TWSG1: variants seen among roughly 807,000 people sequenced by gnomAD.
TWSG1 encodes the protein twisted gastrulation protein homolog 1.
A neutral mutation model predicts 23.0 loss-of-function variants in TWSG1; 15 were observed. That is an observed-to-expected ratio of 0.65 (90% CI 0.44 to 1.00). The LOEUF is 1.00. Among genes scored for constraint, TWSG1 ranks in the 50% least tolerant of loss-of-function variants. The probability of loss-of-function intolerance (pLI) is 0.00; values close to 1 mark genes in which losing one functional copy is unlikely to be tolerated. For missense variants in TWSG1, 242 were observed against 278.7 expected (o/e 0.87, Z 0.94); for synonymous variants, 86 against 92.8 (o/e 0.93, Z 0.42).
At chr18:9,394,077 G>A (rs1217322515) in intron 3 of TWSG1, among the ~76,000 whole-genome samples, 1 of 152,152 alleles carries the variant, frequency 6.6e-6, no homozygotes, top group African/African-American at 2.4e-5. Flanking sequence ...AAGGAAATCA[G>A]TATATCGAAG....
chr18:9,377,029 AG>A (rs951083031), intron 3 of TWSG1, among the ~76,000 whole-genome samples: 115 of 152,200 alleles, frequency 7.6e-4, no homozygotes, highest in African/African-American at 2.7e-3. Flanking sequence ...GGCTGTGTGT[AG>A]GTAGGTTATA....
At chr18:9,364,707 T>C (rs2040569535) in intron 3 of TWSG1, among the ~76,000 whole-genome samples, 1 of 150,824 alleles carries the variant, frequency 6.6e-6, no homozygotes, top group South Asian at 2.1e-4. Flanking sequence ...GGCAGGAGAG[T>C]CACTTGAACC....
intron 2 of TWSG1, among the ~76,000 whole-genome samples, chr18:9,347,005 G>C (rs944156407): frequency 6.6e-6 from 1 of 152,168 alleles, no homozygotes; most frequent in Non-Finnish European, 1.5e-5. Flanking sequence ...TGTTTTAAGT[G>C]TTTTGGATTT....
At chr18:9,384,209 A>G (rs1477162282) in intron 3 of TWSG1, among the ~76,000 whole-genome samples, 1 of 152,198 alleles carries the variant, frequency 6.6e-6, no homozygotes, top group Non-Finnish European at 1.5e-5. Flanking sequence ...GGAGCCAGGA[A>G]TAACCTTTAG....
At chr18:9,365,329 A>T (rs56313735) in intron 3 of TWSG1, among the ~76,000 whole-genome samples, 36 of 151,844 alleles carry the variant, frequency 2.4e-4, no homozygotes, top group Non-Finnish European at 4.4e-4. Context: ...CTCTAAAAAA[A>T]TTTTTTTAAA....
intron 3 of TWSG1, among the ~76,000 whole-genome samples, chr18:9,380,629 C>T (rs991366484): frequency 6.6e-6 from 1 of 152,192 alleles, no homozygotes; most frequent in African/African-American, 2.4e-5. Flanking sequence ...AAGCTGTAGT[C>T]TATGAACTTA....
chr18:9,383,143 A>G (rs918875955), intron 3 of TWSG1, among the ~76,000 whole-genome samples: 1 of 149,912 alleles, frequency 6.7e-6, no homozygotes, highest in Non-Finnish European at 1.5e-5. Context: ...TATAATGGAA[A>G]CTCATTGGAG....
chr18:9,372,585 A>G (rs1598829585), intron 3 of TWSG1, among the ~76,000 whole-genome samples: 1 of 149,386 alleles, frequency 6.7e-6, no homozygotes, highest in South Asian at 2.1e-4. Flanking sequence ...GTTTGCTTAT[A>G]TATAAGTGAA....
chr18:9,359,893 C>A, intron 2 of TWSG1, 79 bp from the exon 3 acceptor site: 1 of 1,060,542 alleles, frequency 9.4e-7, no homozygotes, highest in Non-Finnish European at 1.4e-6. Flanking sequence ...GCAAATATGG[C>A]AGGGTTTTTT....
intron 2 of TWSG1, among the ~76,000 whole-genome samples, chr18:9,347,779 C>G (rs1458322901): frequency 3.3e-5 from 5 of 151,916 alleles, no homozygotes; most frequent in Non-Finnish European, 7.4e-5. Context: ...ATTTCAAGAG[C>G]TCTTATTTAT....
chr18:9,384,628 A>G (rs1598833212), intron 3 of TWSG1, among the ~76,000 whole-genome samples: 2 of 151,804 alleles, frequency 1.3e-5, no homozygotes, highest in East Asian at 3.9e-4. Context: ...GGAAAGACAA[A>G]TGTGCTTATG....
chr18:9,349,491 T>A (rs2040491756), intron 2 of TWSG1, among the ~76,000 whole-genome samples: 1 of 152,198 alleles, frequency 6.6e-6, no homozygotes, highest in Non-Finnish European at 1.5e-5. Context: ...TAAAAATTGA[T>A]TTAGTTATTA....
chr18:9,351,183 G>A (rs1223702255), intron 2 of TWSG1, among the ~76,000 whole-genome samples: 1 of 151,780 alleles, frequency 6.6e-6, no homozygotes, highest in Non-Finnish European at 1.5e-5. Context: ...TGGATCTTAA[G>A]AAGTCATAAT....
chr18:9,360,154 A>G (rs771197555), intron 3 of TWSG1, 83 bp downstream of exon 3: 1 of 1,070,880 alleles, frequency 9.3e-7, no homozygotes, highest in East Asian at 2.4e-5. Context: ...ATATAAATGT[A>G]GTTTATGTGC....
chr18:9,364,057 G>T (rs1281770675), intron 3 of TWSG1, among the ~76,000 whole-genome samples: 1 of 152,146 alleles, frequency 6.6e-6, no homozygotes, highest in Non-Finnish European at 1.5e-5. Flanking sequence ...ACTGTATTTG[G>T]TTGTTAGATT....
intron 3 of TWSG1, among the ~76,000 whole-genome samples, chr18:9,391,089 T>G (rs930138303): frequency 6.6e-6 from 1 of 152,244 alleles, no homozygotes; most frequent in African/African-American, 2.4e-5. Flanking sequence ...CGTAACATTC[T>G]AAATCCTTTG....
intron 3 of TWSG1, among the ~76,000 whole-genome samples, chr18:9,377,623 T>C (rs2040637156): frequency 6.6e-6 from 1 of 152,176 alleles, no homozygotes; most frequent in South Asian, 2.1e-4. Context: ...TCAAAGTAGA[T>C]CACAGACCTA....
chr18:9,375,285 A>G (rs2040624793), intron 3 of TWSG1, among the ~76,000 whole-genome samples: 1 of 152,190 alleles, frequency 6.6e-6, no homozygotes, highest in Non-Finnish European at 1.5e-5. Flanking sequence ...ATAAAATCCA[A>G]CACCCATTCA....
At chr18:9,340,367 CAAAAAAAAAAAAA>C (rs775837207) in intron 2 of TWSG1, among the ~76,000 whole-genome samples, 4 of 67,100 alleles carry the variant, frequency 6.0e-5, no homozygotes, top group East Asian at 4.9e-4. Flanking sequence ...GACTCCATTT[CAAAAAAAAAAAAA>C]AAAAAAAAAA....
Sources: gnomAD v4.1 joint callset for allele counts (sites outside exome capture counted in the v4.1 genomes callset) on GRCh38, gnomAD v4.1.1 for gene constraint, MANE v1.5 for transcripts, NCBI Gene and HGNC (gene_info 2026-07-23, HGNC 2026-07-21) for gene names.